The following GHDC variants were observed in gnomAD, a reference collection of about 807,000 sequenced individuals.
The protein encoded by GHDC is GH3 domain containing.
A neutral mutation model predicts 51.5 loss-of-function variants in GHDC; 39 were observed. The ratio of observed to expected loss-of-function variants is 0.76; its 90% CI spans 0.59 to 0.99. The LOEUF (loss-of-function observed/expected upper bound fraction) is 0.99, where lower values mean the gene tolerates loss of function less well. GHDC is among the 50% of genes least tolerant of loss of function. The pLI is 0.00. For synonymous variants in GHDC, 282 were observed against 305.2 expected, an observed-to-expected ratio of 0.92 and a Z score of 0.79; for missense variants, 610 against 672.8, an observed-to-expected ratio of 0.91 and a Z score of 1.03.
chr17:42,193,642 A>C (rs1231099344), intron 2 of GHDC, 48 bp from the exon 3 acceptor site: 1 of 1,483,472 alleles, frequency 6.7e-7, no homozygotes, highest in Non-Finnish European at 9.0e-7. Flanking sequence ...GCAATTATCC[A>C]TTTCTCCTCC....
chr17:42,192,681 C>T lies in GHDC; in HGVS notation c.449G>A (p.Arg150His), dbSNP rs199625401. ...KAYPEVLAQGRTARVTLTSPW... is the reference protein window; with the variant it reads ...KAYPEVLAQGHTARVTLTSPW... ...GGATGTAAGCGTCACACGGGCAGTGCGTCCCTGAGCCAGCACTTCTGGGTA... is the reference window on the plus strand; with the variant it reads ...GGATGTAAGCGTCACACGGGCAGTGTGTCCCTGAGCCAGCACTTCTGGGTA... The change falls in exon 5 of 10, where the codon CGC (arginine) becomes CAC (histidine). Residue 150 changes from arginine to histidine, a missense_variant. This residue lies in a region of GHDC where 198 missense variants were observed against 262.3 expected (regional missense o/e 0.75). Coordinates refer to ENST00000587427, the MANE Select transcript of GHDC (RefSeq NM_032484.5). 23 of 1,588,286 alleles carry T rather than the reference C, an allele frequency of 1.4e-5. No homozygotes were observed. The highest frequency in any genetic ancestry group is 2.3e-5 in the South Asian group (2 of 88,352).
At chr17:42,191,364 G>C (rs1174634400) in intron 5 of GHDC, among the ~76,000 whole-genome samples, 154 bp from the exon 6 acceptor site, 2 of 152,218 alleles carry the variant, frequency 1.3e-5, no homozygotes, top group African/African-American at 4.8e-5. Context: ...GCCTCAGCGG[G>C]CTGCCTCTTA....
rs916490209 is a variant in GHDC at position 42,189,101 on chromosome 17, G to T, written c.*602C>A. 25 of 398,650 alleles carry T rather than the reference G, an allele frequency of 6.3e-5. No individual in the cohort carries two copies. Among genetic ancestry groups the T allele is most frequent in the Non-Finnish European group, 8.8e-5 (20 of 226,168 alleles). 24.7% of individuals were successfully genotyped at this position (398,650 alleles called of 1,614,324 possible). On this transcript the variant is annotated 3_prime_UTR_variant, in exon 10 of 10. Coordinates refer to ENST00000587427, the MANE Select transcript of GHDC (RefSeq NM_032484.5). ...TGAGGCAAGAATCTGGGTGCAAGAG[G>T]TTTATTTGGGAGCCATCCCAGGAAG...
chr17:42,193,107 G>A (rs1179805502), intron 3 of GHDC, 80 bp from the exon 4 acceptor site: 2 of 1,600,738 alleles, frequency 1.2e-6, no homozygotes, highest in Admixed American at 3.5e-5. Context: ...AGACCCTTGA[G>A]GGAGGAACCG....
chr17:42,189,940 G>C lies in GHDC; in HGVS notation c.1375-19C>G. The C allele has an allele frequency of 6.7e-7, 1 of 1,500,508 alleles. No homozygotes were observed. The highest frequency in any genetic ancestry group is 8.9e-7 in the Non-Finnish European group (1 of 1,118,422). 92.9% of individuals were successfully genotyped at this position (1,500,508 alleles called of 1,614,324 possible). ...GGTCCAGCTGGGAACAGAACAGCCT[G>C]AGTGAGCTGGTGTGTGACTGTGAGT... On this transcript the variant is annotated intron_variant, in intron 9 of 9. Coordinates refer to ENST00000587427, the MANE Select transcript of GHDC (RefSeq NM_032484.5).
intron 5 of GHDC, among the ~76,000 whole-genome samples, chr17:42,191,693 G>A (rs1449698222): frequency 6.6e-6 from 1 of 150,728 alleles, no homozygotes; most frequent in Non-Finnish European, 1.5e-5. Flanking sequence ...CCTAACTTCA[G>A]GTGATCCACC....
chr17:42,190,779 G>T (rs1330781868), intron 7 of GHDC, 22 bp from the exon 8 acceptor site: 2 of 1,613,866 alleles, frequency 1.2e-6, no homozygotes, highest in African/African-American at 2.7e-5. Flanking sequence ...GAAGGGAGAG[G>T]CAGTGGAGCC....
In GHDC at chr17:42,190,655, C is replaced by T. The variant is rs761195909; in HGVS notation, c.1257G>A (p.Leu419=). Residue 419 remains leucine, a synonymous_variant, in exon 8 of 10, where the codon CTG becomes CTA. Transcript: ENST00000587427. ...AVGQWAGAKL[L]DHGCVESSIL... ...TGCTGCTCTCCACACAGCCATGGTC[C>T]AGCAGCTTGGCCCCCGCCCACTGCC... The T allele has an allele frequency of 7.4e-6, 12 of 1,613,240 alleles. No individual in the cohort carries two copies. Among genetic ancestry groups the T allele is most frequent in the Non-Finnish European group, 1.0e-5 (12 of 1,179,938 alleles).
Position 42,189,640 on chromosome 17 carries a change from A to G in GHDC, c.*63T>C. Reference sequence around the variant, plus strand: ...CTGGCCAAGGACTCCCCATCCGGAGAGGTCCCAGAGGGAGGGGCGAGGTGG... The same window carrying G: ...CTGGCCAAGGACTCCCCATCCGGAGGGGTCCCAGAGGGAGGGGCGAGGTGG... On this transcript the variant is annotated 3_prime_UTR_variant, in exon 10 of 10. Transcript: ENST00000587427. 1 of 783,530 alleles carries G rather than the reference A, an allele frequency of 1.3e-6. No homozygotes were observed. The highest frequency in any genetic ancestry group is 3.1e-5 in the East Asian group (1 of 32,214). The allele number at this position is 783,530 out of a possible 1,614,324, so 48.5% of individuals were successfully genotyped here.
rs768450628 is a variant in GHDC, at chr17:42,192,415, C to T, written c.715G>A (p.Glu239Lys). 10 of 1,613,042 alleles carry T rather than the reference C, an allele frequency of 6.2e-6. No homozygotes were observed. Among genetic ancestry groups the T allele is most frequent in the African/African-American group, 2.7e-5 (2 of 74,948 alleles). ...PGAPLRERAA[E>K]LREALEQGPR... ...CCCTGCTCTAGGGCCTCCCGGAGCT[C>T]AGCTGCCCGTTCACGGAGAGGCGCT... is the stretch of plus-strand genomic sequence containing the variant. Residue 239 changes from glutamate (E) to lysine (K), a missense_variant, in exon 5 of 10, where the codon GAG (glutamate) becomes AAG (lysine). Transcript: ENST00000587427.
At chr17:42,194,006 G>C (rs1468016783) in intron 1 of GHDC, 156 bp from the exon 2 acceptor site, 1 of 169,450 alleles carries the variant, frequency 5.9e-6, no homozygotes, top group African/African-American at 2.4e-5. Flanking sequence ...AACATAGGGA[G>C]ACTCCATCTC....
At chr17:42,190,426 T>C (rs2079959146) in intron 8 of GHDC, 156 bp from the exon 9 acceptor site, 1 of 1,506,338 alleles carries the variant, frequency 6.6e-7, no homozygotes, top group Admixed American at 2.1e-5. Context: ...AACCTAGAGC[T>C]TGATCCTAAA....
At position 42,192,674 on chromosome 17, in the gene GHDC, G is replaced by A. The variant is rs1242723838; in HGVS notation, c.456C>T (p.Ala152=). The A allele has an allele frequency of 6.3e-7, 1 of 1,598,566 alleles. No homozygotes were observed. Among genetic ancestry groups the A allele is most frequent in the South Asian group, 1.1e-5 (1 of 89,804 alleles). Residue 152 remains alanine (A), a synonymous_variant, in exon 5 of 10, where the codon GCC becomes GCT. Transcript: ENST00000587427. ...YPEVLAQGRT[A]RVTLTSPWPR... ...GCCAAGGGGATGTAAGCGTCACACGGGCAGTGCGTCCCTGAGCCAGCACTT... is the reference window on the plus strand; with the variant it reads ...GCCAAGGGGATGTAAGCGTCACACGAGCAGTGCGTCCCTGAGCCAGCACTT...
intron 3 of GHDC, 133 bp downstream of exon 3, chr17:42,193,184 C>T: frequency 6.5e-7 from 1 of 1,531,900 alleles, no homozygotes; most frequent in East Asian, 2.3e-5. Context: ...ACAAGAAAGC[C>T]AGTCCTGGGT....
rs2079947658 is a variant in GHDC at position 42,189,165 on chromosome 17, C to T, written c.*538G>A. On this transcript the variant is annotated 3_prime_UTR_variant, in exon 10 of 10. Transcript: ENST00000587427. ...AGTGGGGAAGAGAGGGAAGGGAGAG[C>T]CCCCGCAGGAAGTACATGAATGAGT... is the stretch of plus-strand genomic sequence containing the variant. 4 of 398,386 alleles carry T rather than the reference C, an allele frequency of 1.0e-5. No individual in the cohort carries two copies. Among genetic ancestry groups the T allele is most frequent in the East Asian group, 3.6e-5 (1 of 28,082 alleles). 24.7% of individuals were successfully genotyped at this position (398,386 alleles called of 1,614,324 possible).
chr17:42,190,218 C>G lies in GHDC; in HGVS notation c.1341G>C (p.Gly447=), dbSNP rs1247150073. 4 of 1,614,138 alleles carry G rather than the reference C, an allele frequency of 2.5e-6. No individual in the cohort carries two copies. The highest frequency in any genetic ancestry group is 1.1e-5 in the South Asian group (1 of 91,080). Residue 447 remains glycine (G), a synonymous_variant, in exon 9 of 10, where the codon GGG becomes GGC. Coordinates refer to ENST00000587427, the MANE Select transcript of GHDC (RefSeq NM_032484.5). ...PHYEVFVALR[G]LRNLSEENRD... is the part of the protein sequence containing the mutation. ...GATTTTCCTCTGACAGATTCCTCAG[C>G]CCCCTCAGCGCCACAAACACCTCGT...
intron 5 of GHDC, among the ~76,000 whole-genome samples, chr17:42,191,758 C>CT (rs71357532): frequency 0.031 from 3,109 of 101,032 alleles, 253 homozygotes; most frequent in African/African-American, 0.095. Flanking sequence ...CTGCCCCGGC[C>CT]TTTTTTTTTT....
Position 42,193,478 on chromosome 17 carries a change from A to T in GHDC, c.104T>A (p.Leu35His). 1 of 1,556,028 alleles carries T rather than the reference A, an allele frequency of 6.4e-7. No homozygotes were observed. Among genetic ancestry groups the T allele is most frequent in the East Asian group, 2.4e-5 (1 of 41,590 alleles). Residue 35 changes from leucine (L) to histidine (H), a missense_variant, in exon 3 of 10, where the codon CTC becomes CAC. By Grantham distance (99) the Leu-to-His change is moderately conservative (BLOSUM62 -3). Coordinates refer to ENST00000587427, the MANE Select transcript of GHDC (RefSeq NM_032484.5). ...GGCCCCCCATGCCACTCGGTGCTGG[A>T]GGCCAGCAAGCCAGGACAGCCTGGC... is the stretch of plus-strand genomic sequence containing the variant. ...QDARLSWLAG[L>H]QHRVAWGALV...
chr17:42,194,440 TG>T lies in GHDC; in HGVS notation c.-146del, dbSNP rs1320222898. On this transcript the variant is annotated 5_prime_UTR_variant, in exon 1 of 10. An upstream open reading frame in the 5' UTR loses its in-frame stop. Coordinates refer to ENST00000587427, the MANE Select transcript of GHDC (RefSeq NM_032484.5). Reference sequence around the variant, plus strand: ...ACTCCTGGCACGTGACGGAGACCCCTGGGTGACTCTGGGTCTCAGCACACAT... The same window carrying T: ...ACTCCTGGCACGTGACGGAGACCCCTGGTGACTCTGGGTCTCAGCACACAT... 6.6e-6 allele frequency: 1 copy of T among 152,366 alleles called. No homozygotes were observed. Among genetic ancestry groups the T allele is most frequent in the Non-Finnish European group, 1.5e-5 (1 of 68,118 alleles). 9.4% of individuals were successfully genotyped at this position (152,366 alleles called of 1,614,324 possible). A position where few individuals can be genotyped will look rare whatever the true frequency, so the allele number is the denominator to read the frequency against.
Sources: allele counts gnomAD v4.1 joint callset (sites outside exome capture counted in the v4.1 genomes callset), GRCh38; gene constraint gnomAD v4.1.1; regional missense constraint gnomAD v4.1.1; transcripts MANE v1.5; gene names NCBI Gene and HGNC (gene_info 2026-07-23, HGNC 2026-07-21).